MBOAT2: variants seen among roughly 807,000 people sequenced by gnomAD.
MBOAT2 encodes the protein membrane bound glycerophospholipid O-acyltransferase 2.
MBOAT2 carries 28 observed loss-of-function variants against 63.4 expected under a neutral mutation model. The observed-to-expected ratio is 0.44, with a 90% CI of 0.33 to 0.61. The LOEUF (loss-of-function observed/expected upper bound fraction) is 0.61, where lower values mean the gene tolerates loss of function less well. Among genes scored for constraint, MBOAT2 ranks in the 20% least tolerant of loss-of-function variants. The pLI, the probability that MBOAT2 is intolerant of heterozygous loss-of-function variation, is 0.03. For missense variants in MBOAT2, 470 were observed against 605.8 expected (o/e 0.78, Z 2.35); for synonymous variants, 211 against 215.6 (o/e 0.98, Z 0.19).
Position 8,862,490 on chromosome 2 carries a change from G to A in MBOAT2, c.1185+100C>T, listed in dbSNP as rs1376070453. 32 of 1,450,172 alleles carry A rather than the reference G, an allele frequency of 2.2e-5. No individual in the cohort carries two copies. The highest frequency in any genetic ancestry group is 2.8e-5 in the African/African-American group (2 of 70,622). The allele number at this position is 1,450,172 out of a possible 1,614,324, so 89.8% of individuals were successfully genotyped here. ...TAGTGGAAAGGACAATACTGACCACGACCAAGGAAAGAGGGTCTACCTTGT... is the reference window on the plus strand; with the variant it reads ...TAGTGGAAAGGACAATACTGACCACAACCAAGGAAAGAGGGTCTACCTTGT... On this transcript the variant is annotated intron_variant, in intron 11 of 12. Coordinates refer to ENST00000305997, the MANE Select transcript of MBOAT2 (RefSeq NM_138799.4). The surrounding 1 kb of genome is among the most constrained non-coding windows in gnomAD (Gnocchi z 4.3).
chr2:8,972,263 G>T (rs961022500), intron 1 of MBOAT2, among the ~76,000 whole-genome samples: 8 of 152,158 alleles, frequency 5.3e-5, no homozygotes, highest in African/African-American at 1.2e-4. Flanking sequence ...AACAAGAAAT[G>T]CGGAAAGGAT....
intron 12 of MBOAT2, among the ~76,000 whole-genome samples, chr2:8,859,290 T>C (rs1661331097): frequency 6.6e-6 from 1 of 152,334 alleles, no homozygotes; most frequent in East Asian, 1.9e-4. Flanking sequence ...TTAAGACTTT[T>C]ACCAGTCTGG....
intron 1 of MBOAT2, among the ~76,000 whole-genome samples, chr2:8,984,952 C>G (rs943601888): frequency 1.3e-5 from 2 of 152,122 alleles, no homozygotes; most frequent in East Asian, 3.9e-4. Context: ...GGCCAGTGTT[C>G]TCCTGGAGAA....
intron 1 of MBOAT2, among the ~76,000 whole-genome samples, chr2:8,963,931 G>C (rs777658604): frequency 6.6e-6 from 1 of 152,158 alleles, no homozygotes; most frequent in East Asian, 1.9e-4. Context: ...ACAAGAAGGG[G>C]TTCATGTAAT....
At chr2:8,907,754 T>A (rs527909792) in intron 4 of MBOAT2, among the ~76,000 whole-genome samples, 43 of 152,252 alleles carry the variant, frequency 2.8e-4, no homozygotes, top group African/African-American at 1.0e-3. Context: ...AAAATCTGTG[T>A]AGTAAAATAT....
At chr2:9,001,564 C>G (rs895720020) in intron 1 of MBOAT2, among the ~76,000 whole-genome samples, 1 of 152,160 alleles carries the variant, frequency 6.6e-6, no homozygotes. Flanking sequence ...TATACAAAGT[C>G]AGGGCTACAC....
intron 6 of MBOAT2, among the ~76,000 whole-genome samples, chr2:8,881,846 G>T (rs1441036130): frequency 6.6e-6 from 1 of 152,054 alleles, no homozygotes; most frequent in African/African-American, 2.4e-5. Context: ...CATTCTTCTA[G>T]CAGCTATGCA....
intron 9 of MBOAT2, among the ~76,000 whole-genome samples, chr2:8,866,045 A>C (rs1266528996): frequency 6.6e-6 from 1 of 151,982 alleles, no homozygotes; most frequent in Non-Finnish European, 1.5e-5. Flanking sequence ...TCAAATAAAT[A>C]AATAAATAAA....
intron 2 of MBOAT2, among the ~76,000 whole-genome samples, chr2:8,950,268 CGA>C (rs1668735829): frequency 6.6e-6 from 1 of 152,002 alleles, no homozygotes; most frequent in Non-Finnish European, 1.5e-5. Flanking sequence ...CAGCAAAGAC[CGA>C]GAGTTTGACT....
At chr2:8,913,488 A>C (rs753898882) in intron 3 of MBOAT2, among the ~76,000 whole-genome samples, 1 of 152,178 alleles carries the variant, frequency 6.6e-6, no homozygotes, top group Admixed American at 6.5e-5. Flanking sequence ...AAGAAAAAAA[A>C]CAAACAATCC....
At chr2:8,959,209 A>T (rs1669444299) in intron 1 of MBOAT2, among the ~76,000 whole-genome samples, 1 of 152,176 alleles carries the variant, frequency 6.6e-6, no homozygotes, top group African/African-American at 2.4e-5. Flanking sequence ...GAGGCATCTC[A>T]AGGATTGGCT....
At chr2:8,907,355 A>G (rs963501910) in intron 4 of MBOAT2, among the ~76,000 whole-genome samples, 2 of 152,238 alleles carry the variant, frequency 1.3e-5, no homozygotes, top group African/African-American at 4.8e-5. Flanking sequence ...ACTAGGATGC[A>G]TGATGAACAA....
chr2:8,937,487 T>G (rs1374674466), intron 3 of MBOAT2, among the ~76,000 whole-genome samples: 1 of 152,152 alleles, frequency 6.6e-6, no homozygotes, highest in Non-Finnish European at 1.5e-5. Context: ...CATCTATCAT[T>G]AAGAACTGAG....
chr2:8,968,505 A>G (rs1670176964), intron 1 of MBOAT2, among the ~76,000 whole-genome samples: 1 of 152,264 alleles, frequency 6.6e-6, no homozygotes, highest in Non-Finnish European at 1.5e-5. Flanking sequence ...GCTCCTCGCC[A>G]GCAATGGAAC....
chr2:8,898,313 C>CTAT (rs1664640715), intron 4 of MBOAT2, among the ~76,000 whole-genome samples: 1 of 152,106 alleles, frequency 6.6e-6, no homozygotes, highest in Non-Finnish European at 1.5e-5. Context: ...AGGGGCCTGG[C>CTAT]TATCTTGCTG....
chr2:8,897,179 TTCTC>T lies in MBOAT2; in HGVS notation c.396-9110_396-9107del, dbSNP rs367691352. 3.9e-4 allele frequency among the ~76,000 whole-genome samples: 59 copies of T among 152,284 alleles called. 1 individual carries two copies. In the East Asian group the frequency reaches 5.4e-3, roughly 14 times the overall value. Reference sequence around the variant, plus strand: ...CCTCTCTTTGACTTTCTGTGTCTCTTTCTCTCTTTTTCTCTGATTCCATCTTTGT... The same window carrying T: ...CCTCTCTTTGACTTTCTGTGTCTCTTTCTTTTTCTCTGATTCCATCTTTGT... On this transcript the variant is annotated intron_variant, in intron 4 of 12. Coordinates refer to ENST00000305997, the MANE Select transcript of MBOAT2 (RefSeq NM_138799.4).
chr2:8,885,529 A>G (rs1383384805), intron 5 of MBOAT2, among the ~76,000 whole-genome samples: 1 of 152,154 alleles, frequency 6.6e-6, no homozygotes, highest in African/African-American at 2.4e-5. Context: ...GTTAGGTTCA[A>G]GTATTCCTAT....
At chr2:8,947,308 A>G (rs116492605) in intron 2 of MBOAT2, among the ~76,000 whole-genome samples, 329 of 152,332 alleles carry the variant, frequency 2.2e-3, no homozygotes, top group African/African-American at 7.4e-3. Context: ...ATGTTTAAGG[A>G]AAGAAGTCAT....
At chr2:8,903,481 T>C (rs1452657402) in intron 4 of MBOAT2, among the ~76,000 whole-genome samples, 1 of 152,216 alleles carries the variant, frequency 6.6e-6, no homozygotes, top group Non-Finnish European at 1.5e-5. Context: ...CATAGATTTT[T>C]TTTTTTGGTG....
Sources: gnomAD v4.1 joint callset for allele counts (sites outside exome capture counted in the v4.1 genomes callset) on GRCh38, gnomAD v4.1.1 for gene constraint, Gnocchi (gnomAD v3.1) non-coding constraint, MANE v1.5 for transcripts, NCBI Gene and HGNC (gene_info 2026-07-23, HGNC 2026-07-21) for gene names.